Variants in HTR2C observed in about 807,000 individuals in gnomAD.
HTR2C encodes the protein 5-hydroxytryptamine (serotonin) receptor 2C, G protein-coupled.
HTR2C carries 5 observed loss-of-function variants against 21.0 expected under a neutral mutation model. The observed-to-expected ratio is 0.24, with a 90% CI of 0.12 to 0.50. The LOEUF is 0.50. HTR2C is among the 20% of genes least tolerant of loss of function. The probability of loss-of-function intolerance (pLI) is 0.98; values close to 1 mark genes in which losing one functional copy is unlikely to be tolerated. For synonymous variants in HTR2C, 150 were observed against 145.3 expected (o/e 1.03, Z -0.23); for missense variants, 271 against 371.2 (o/e 0.73, Z 2.22).
intron 5 of HTR2C, among the ~76,000 whole-genome samples, chrX:114,857,677 C>G (rs782547550): frequency 9.0e-6 from 1 of 110,978 alleles, no homozygotes; most frequent in Non-Finnish European, 1.9e-5. Flanking sequence ...CTGTGCATGA[C>G]CTTACACTCG....
At chrX:114,755,008 G>C (rs781783329) in intron 4 of HTR2C, among the ~76,000 whole-genome samples, 7 of 111,647 alleles carry the variant, frequency 6.3e-5, no homozygotes, top group African/African-American at 1.6e-4. Context: ...GGGAGGCCAA[G>C]GCGGGTGGAT....
chrX:114,616,430 G>A (rs1202207037), intron 2 of HTR2C, among the ~76,000 whole-genome samples: 2 of 110,011 alleles, frequency 1.8e-5, no homozygotes, highest in African/African-American at 6.6e-5. Flanking sequence ...GGGATTACAG[G>A]TGCCCACCAC....
intron 2 of HTR2C, among the ~76,000 whole-genome samples, chrX:114,688,484 A>G (rs1481818647): frequency 1.8e-5 from 2 of 111,575 alleles, no homozygotes; most frequent in Non-Finnish European, 3.8e-5. Context: ...TAATTTAAAA[A>G]TCGTCTTATA....
intron 1 of HTR2C, among the ~76,000 whole-genome samples, chrX:114,602,069 T>C (rs1348475836): frequency 1.1e-5 from 1 of 90,333 alleles, no homozygotes; most frequent in Non-Finnish European, 2.2e-5. Flanking sequence ...ACTCAGGATA[T>C]CTGATTAGAG....
At chrX:114,627,241 T>C (rs182234453) in intron 2 of HTR2C, among the ~76,000 whole-genome samples, 1 of 111,459 alleles carries the variant, frequency 9.0e-6, no homozygotes, top group East Asian at 2.8e-4. Context: ...CATAGACTGA[T>C]AGAAGAGTCC....
intron 2 of HTR2C, among the ~76,000 whole-genome samples, chrX:114,675,529 T>G (rs1405538958): frequency 1.6e-4 from 18 of 112,266 alleles, no homozygotes. Context: ...GGAGTCTAAT[T>G]TTTTCTTAAT....
intron 4 of HTR2C, among the ~76,000 whole-genome samples, chrX:114,767,526 A>G (rs1218036725): frequency 4.5e-5 from 5 of 109,929 alleles, no homozygotes; most frequent in African/African-American, 1.6e-4. Flanking sequence ...ATCTTAGCTT[A>G]ATATCTCCTT....
intron 4 of HTR2C, among the ~76,000 whole-genome samples, chrX:114,839,621 A>T (rs1235681457): frequency 1.8e-5 from 2 of 111,242 alleles, no homozygotes; most frequent in Admixed American, 1.9e-4. Context: ...TGGGAGGTGG[A>T]GATTGCAGTG....
intron 2 of HTR2C, among the ~76,000 whole-genome samples, chrX:114,716,362 T>TTG (rs1344360258): frequency 8.9e-6 from 1 of 112,482 alleles, no homozygotes; most frequent in Non-Finnish European, 1.9e-5. Context: ...GAGTTAACTG[T>TTG]TGTGTGAATT....
At chrX:114,821,433 A>G (rs2070631721) in intron 4 of HTR2C, among the ~76,000 whole-genome samples, 1 of 111,694 alleles carries the variant, frequency 9.0e-6, no homozygotes, top group South Asian at 3.7e-4. Flanking sequence ...ATTGTTTGGT[A>G]CATATTAATA....
intron 4 of HTR2C, among the ~76,000 whole-genome samples, chrX:114,835,349 G>T: frequency 9.3e-6 from 1 of 107,825 alleles, no homozygotes; most frequent in South Asian, 4.3e-4. Flanking sequence ...ACACCAATCA[G>T]ACCTAGATTT....
intron 4 of HTR2C, among the ~76,000 whole-genome samples, chrX:114,763,993 T>C (rs1467091766): frequency 8.9e-6 from 1 of 112,071 alleles, no homozygotes; most frequent in Non-Finnish European, 1.9e-5. Flanking sequence ...ATTTAAATTA[T>C]AATGACATAT....
At chrX:114,723,301 A>G (rs1205221677) in intron 2 of HTR2C, among the ~76,000 whole-genome samples, 29 of 111,386 alleles carry the variant, frequency 2.6e-4, no homozygotes, top group African/African-American at 6.2e-4. Flanking sequence ...GTTTATTTGC[A>G]TAGAGGTGTT....
intron 4 of HTR2C, among the ~76,000 whole-genome samples, chrX:114,837,215 GTTGGGAAATAATCCCC>G (rs1324960866): frequency 8.9e-5 from 10 of 111,823 alleles, no homozygotes; most frequent in African/African-American, 3.2e-4. Flanking sequence ...CATGAAGTAT[GTTGGGAAATAATCCCC>G]TTATTTATTC....
At chrX:114,763,973 G>A (rs972570724) in intron 4 of HTR2C, among the ~76,000 whole-genome samples, 3 of 111,627 alleles carry the variant, frequency 2.7e-5, no homozygotes, top group African/African-American at 9.8e-5. Context: ...AAGAATAATG[G>A]TATCAGTATA....
At chrX:114,805,810 C>CCATATATAT (rs1556448839) in intron 4 of HTR2C, among the ~76,000 whole-genome samples, 4 of 93,755 alleles carry the variant, frequency 4.3e-5, no homozygotes, top group African/African-American at 1.8e-4. Context: ...CATGTATATA[C>CCATATATAT]ACCATATATA....
intron 2 of HTR2C, among the ~76,000 whole-genome samples, chrX:114,677,159 A>G (rs1311376662): frequency 1.8e-5 from 2 of 111,624 alleles, no homozygotes; most frequent in Admixed American, 1.9e-4. Context: ...AGATCTAAAG[A>G]GTTTGGGTTT....
intron 2 of HTR2C, among the ~76,000 whole-genome samples, chrX:114,664,703 T>C (rs980935825): frequency 1.8e-5 from 2 of 111,751 alleles, no homozygotes; most frequent in Admixed American, 1.9e-4. Flanking sequence ...GTCTTTATAA[T>C]AGAACAATCT....
At chrX:114,765,509 A>C (rs2069938966) in intron 4 of HTR2C, among the ~76,000 whole-genome samples, 1 of 110,361 alleles carries the variant, frequency 9.1e-6, no homozygotes, top group South Asian at 3.9e-4. Flanking sequence ...TCCTCACATC[A>C]CTGGTATTAA....
Sources: gnomAD v4.1 joint callset for allele counts (sites outside exome capture counted in the v4.1 genomes callset) on GRCh38, gnomAD v4.1.1 for gene constraint, MANE v1.5 for transcripts, NCBI Gene and HGNC (gene_info 2026-07-23, HGNC 2026-07-21) for gene names.